DOCK10: variants seen among roughly 807,000 people sequenced by gnomAD.
The protein encoded by DOCK10 is dedicator of cytokinesis protein 10.
DOCK10 carries 145 observed loss-of-function variants against 280.1 expected under a neutral mutation model. That is an observed-to-expected ratio of 0.52 (90% CI 0.45 to 0.59). DOCK10 has a LOEUF of 0.59. Among genes scored for constraint, DOCK10 ranks in the 20% least tolerant of loss-of-function variants. The probability of loss-of-function intolerance (pLI) is 0.00; values close to 1 mark genes in which losing one functional copy is unlikely to be tolerated. For missense variants in DOCK10, 2,368 were observed against 2,651.7 expected (o/e 0.89, Z 2.35); for synonymous variants, 915 against 942.2 (o/e 0.97, Z 0.53).
At chr2:224,967,142 A>T (rs376934176) in intron 1 of DOCK10, among the ~76,000 whole-genome samples, 14 of 148,214 alleles carry the variant, frequency 9.4e-5, no homozygotes, top group African/African-American at 2.0e-4. Context: ...TGCAGTGGCG[A>T]GATCTCGGCT....
chr2:224,954,833 A>G (rs529988953), intron 1 of DOCK10, among the ~76,000 whole-genome samples: 84 of 152,352 alleles, frequency 5.5e-4, no homozygotes, highest in Non-Finnish European at 3.5e-4. Context: ...TTTTCATTAT[A>G]CTATTTTTCC....
At chr2:225,009,013 T>C (rs1689355532) in intron 1 of DOCK10, among the ~76,000 whole-genome samples, 2 of 152,224 alleles carry the variant, frequency 1.3e-5, no homozygotes, top group African/African-American at 4.8e-5. Context: ...CTACTGGTGA[T>C]AGATTTACTA....
In DOCK10 at chr2:224,874,008, A is replaced by C; in HGVS notation, c.1245T>G (p.Asp415Glu). The C allele has an allele frequency of 6.2e-7, 1 of 1,610,970 alleles. No individual in the cohort carries two copies. The highest frequency in any genetic ancestry group is 8.5e-7 in the Non-Finnish European group (1 of 1,179,172). Reference sequence around the variant, plus strand: ...AGGAGAAACTTACATTCGTTATCGGATCATTTTCATTCTCCGTAACACATC... The same window carrying C: ...AGGAGAAACTTACATTCGTTATCGGCTCATTTTCATTCTCCGTAACACATC... ...LQGCVTENEN[D>E]PITNIEPFFV... Residue 415 changes from aspartate to glutamate, a missense_variant, in exon 11 of 56, where the codon GAT becomes GAG. Asp to Glu is a conservative substitution (Grantham distance 45). Around this residue, in one of 2 missense-constraint regions of DOCK10, gnomAD observed 1,209 missense variants for 1,250.9 expected, o/e 0.97. Transcript: ENST00000258390.
intron 20 of DOCK10, 26 bp downstream of exon 20, chr2:224,845,493 T>C (rs1287707768): frequency 6.2e-7 from 1 of 1,600,610 alleles, no homozygotes; most frequent in Non-Finnish European, 8.5e-7. Context: ...CATGTGACTC[T>C]GCCTCAGATT....
At chr2:224,791,986 A>G (rs1692228751) in intron 47 of DOCK10, among the ~76,000 whole-genome samples, 1 of 152,236 alleles carries the variant, frequency 6.6e-6, no homozygotes, top group Non-Finnish European at 1.5e-5. Context: ...TTGGAAAGTT[A>G]AACCAGTGTT....
intron 1 of DOCK10, among the ~76,000 whole-genome samples, chr2:224,954,229 A>G (rs1703920760): frequency 6.6e-6 from 1 of 152,210 alleles, no homozygotes; most frequent in South Asian, 2.1e-4. Context: ...TACAGAGCCC[A>G]TCTTAGAATC....
chr2:224,980,431 G>A (rs1458791459), intron 1 of DOCK10, among the ~76,000 whole-genome samples: 2 of 152,236 alleles, frequency 1.3e-5, no homozygotes, highest in African/African-American at 2.4e-5. Flanking sequence ...CTGGCAAAAT[G>A]TTCTATCACC....
chr2:224,894,474 C>T (rs893846886), intron 4 of DOCK10, among the ~76,000 whole-genome samples: 2 of 152,140 alleles, frequency 1.3e-5, no homozygotes, highest in Non-Finnish European at 2.9e-5. Context: ...TCCCAACTTC[C>T]GAGTTGTAAC....
chr2:225,025,793 T>C (rs1015705439), intron 1 of DOCK10, among the ~76,000 whole-genome samples: 1 of 152,174 alleles, frequency 6.6e-6, no homozygotes, highest in Non-Finnish European at 1.5e-5. Flanking sequence ...TGCATTACCC[T>C]TTCAAAATTG....
At chr2:224,886,847 C>T (rs1420783372) in intron 4 of DOCK10, among the ~76,000 whole-genome samples, 1 of 150,652 alleles carries the variant, frequency 6.6e-6, no homozygotes, top group East Asian at 1.9e-4. Context: ...CTCCACCTCC[C>T]GGGTTGAAGC....
intron 1 of DOCK10, among the ~76,000 whole-genome samples, chr2:225,004,242 T>G (rs1004104688): frequency 6.6e-6 from 1 of 152,142 alleles, no homozygotes; most frequent in Non-Finnish European, 1.5e-5. Context: ...CAATGAAAAG[T>G]GTTCTTATGA....
At chr2:224,892,135 G>A (rs1033939670) in intron 4 of DOCK10, among the ~76,000 whole-genome samples, 1 of 151,952 alleles carries the variant, frequency 6.6e-6, no homozygotes, top group African/African-American at 2.4e-5. Flanking sequence ...AGCAGCTCAC[G>A]GCTGTAATCC....
intron 11 of DOCK10, among the ~76,000 whole-genome samples, chr2:224,871,581 C>T (rs1367586653): frequency 1.3e-5 from 2 of 152,206 alleles, no homozygotes; most frequent in Non-Finnish European, 2.9e-5. Flanking sequence ...CCTACATCAT[C>T]TTATCTCTGT....
chr2:224,848,379 T>C (rs1389637549), intron 19 of DOCK10, among the ~76,000 whole-genome samples: 1 of 152,212 alleles, frequency 6.6e-6, no homozygotes, highest in Non-Finnish European at 1.5e-5. Flanking sequence ...TTAAATTTTT[T>C]CACTGAAACT....
At chr2:224,885,979 A>G in intron 6 of DOCK10, 84 bp downstream of exon 6, 2 of 1,569,394 alleles carry the variant, frequency 1.3e-6, no homozygotes, top group Non-Finnish European at 1.7e-6. Flanking sequence ...ACTCAATGCA[A>G]ATGGCTCTCT....
At chr2:224,984,791 A>G (rs1288780762) in intron 1 of DOCK10, among the ~76,000 whole-genome samples, 1 of 151,952 alleles carries the variant, frequency 6.6e-6, no homozygotes, top group East Asian at 1.9e-4. Flanking sequence ...TGTGGGAGAC[A>G]CAGAAACCTA....
chr2:224,852,316 G>A, intron 18 of DOCK10, 61 bp downstream of exon 18: 2 of 1,331,702 alleles, frequency 1.5e-6, no homozygotes, highest in Non-Finnish European at 2.1e-6. Flanking sequence ...TGCAATGGTG[G>A]AAAGAATCCC....
chr2:224,821,161 G>A (rs1694480823), intron 28 of DOCK10, among the ~76,000 whole-genome samples: 3 of 152,226 alleles, frequency 2.0e-5, no homozygotes, highest in Admixed American at 2.0e-4. Context: ...TGTGGGGTAA[G>A]GGAGGCTACC....
At chr2:224,984,225 C>G (rs1160338095) in intron 1 of DOCK10, among the ~76,000 whole-genome samples, 1 of 152,120 alleles carries the variant, frequency 6.6e-6, no homozygotes, top group African/African-American at 2.4e-5. Context: ...AAATAGTAAA[C>G]CAGCCCCAGT....
Sources: gnomAD v4.1 joint callset for allele counts (sites outside exome capture counted in the v4.1 genomes callset) on GRCh38, gnomAD v4.1.1 for gene constraint, gnomAD v4.1.1 regional missense constraint, MANE v1.5 for transcripts, NCBI Gene and HGNC (gene_info 2026-07-23, HGNC 2026-07-21) for gene names.